The following C12orf56 variants were observed in gnomAD, a reference collection of about 807,000 sequenced individuals.
C12orf56 encodes the protein chromosome 12 open reading frame 56, also known as uncharacterized protein C12orf56.
C12orf56 carries 71 observed loss-of-function variants against 69.9 expected under a neutral mutation model. The observed-to-expected ratio is 1.02, with a 90% CI of 0.84 to 1.24. C12orf56 has a LOEUF of 1.24. Ranked by LOEUF, C12orf56 falls within the 50% of genes most tolerant of loss-of-function variation. The pLI, the probability that C12orf56 is intolerant of heterozygous loss-of-function variation, is 0.00. For synonymous variants in C12orf56, 276 were observed against 274.1 expected, an observed-to-expected ratio of 1.01 and a Z score of -0.07; for missense variants, 732 against 738.5, an observed-to-expected ratio of 0.99 and a Z score of 0.10.
chr12:64,297,047 A>G (rs2038376181), intron 6 of C12orf56, among the ~76,000 whole-genome samples: 1 of 152,200 alleles, frequency 6.6e-6, no homozygotes. Context: ...ATAGCAACAC[A>G]AAACAGACTA....
intron 3 of C12orf56, among the ~76,000 whole-genome samples, chr12:64,326,749 AAAAG>A (rs1312426007): frequency 5.3e-5 from 8 of 151,756 alleles, no homozygotes; most frequent in African/African-American, 1.9e-4. Context: ...CAAAAAAAAA[AAAAG>A]AAAGAAAGAA....
In C12orf56 at chr12:64,301,878, G is replaced by A. The variant is rs1250760120; in HGVS notation, c.1113+1757C>T. Reference sequence around the variant, plus strand: ...ATGGACTAATACACAGCCCTTTCCTGATAACCCCAGCCTACTAAAATAAAG... The same window carrying A: ...ATGGACTAATACACAGCCCTTTCCTAATAACCCCAGCCTACTAAAATAAAG... On this transcript the variant is annotated intron_variant, in intron 6 of 12. Transcript: ENST00000543942. Among the ~76,000 whole-genome samples, 12 of 152,244 alleles carry A rather than the reference G, an allele frequency of 7.9e-5. No homozygotes were observed. The East Asian group carries it at 2.3e-3, about 29-fold the overall frequency.
intron 8 of C12orf56, among the ~76,000 whole-genome samples, chr12:64,280,672 A>T (rs183224556): frequency 5.7e-4 from 87 of 152,350 alleles, no homozygotes; most frequent in African/African-American, 2.0e-3. Flanking sequence ...TATCCAGAGT[A>T]GGCTTGCTCT....
intron 2 of C12orf56, among the ~76,000 whole-genome samples, chr12:64,346,070 C>A (rs2135943666): frequency 6.6e-6 from 1 of 152,034 alleles, no homozygotes; most frequent in Middle Eastern, 3.4e-3. Flanking sequence ...CTCCTGGTAC[C>A]AAAATTTGTA....
intron 4 of C12orf56, among the ~76,000 whole-genome samples, chr12:64,317,310 G>T (rs1322285388): frequency 2.6e-5 from 4 of 151,938 alleles, no homozygotes; most frequent in Non-Finnish European, 4.4e-5. Context: ...TATGTTGAAA[G>T]ATCAATAATA....
intron 5 of C12orf56, among the ~76,000 whole-genome samples, chr12:64,309,100 C>CATAT (rs890076189): frequency 1.3e-5 from 2 of 152,132 alleles, no homozygotes; most frequent in Admixed American, 6.5e-5. Context: ...TACAAACACA[C>CATAT]ATATATACTT....
chr12:64,374,536 T>C (rs1050782497), intron 1 of C12orf56, among the ~76,000 whole-genome samples: 2 of 152,088 alleles, frequency 1.3e-5, no homozygotes, highest in African/African-American at 2.4e-5. Flanking sequence ...TACTTTTTTT[T>C]CCAACTTTTT....
chr12:64,308,882 CAGAA>C (rs1488379889), intron 5 of C12orf56, among the ~76,000 whole-genome samples: 2 of 50,056 alleles, frequency 4.0e-5, no homozygotes, highest in Non-Finnish European at 7.8e-5. Context: ...AAGAAAGAAA[CAGAA>C]AGGAAGAAAG....
At chr12:64,363,128 C>T (rs555797142) in intron 1 of C12orf56, among the ~76,000 whole-genome samples, 14 of 152,218 alleles carry the variant, frequency 9.2e-5, no homozygotes, top group African/African-American at 2.2e-4. Context: ...CCTCATTTTA[C>T]GCAACTCCTA....
chr12:64,375,065 T>TA (rs2039623120), intron 1 of C12orf56, among the ~76,000 whole-genome samples: 2 of 151,892 alleles, frequency 1.3e-5, no homozygotes, highest in Non-Finnish European at 2.9e-5. Context: ...ATATTTATTT[T>TA]ATTATTTATT....
chr12:64,366,074 ATAGTTTG>A (rs1212288005), intron 1 of C12orf56, among the ~76,000 whole-genome samples: 4 of 125,926 alleles, frequency 3.2e-5, no homozygotes, highest in African/African-American at 1.3e-4. Context: ...TGTATAATAT[ATAGTTTG>A]TATAATATAT....
chr12:64,378,000 T>C (rs1472364960), intron 1 of C12orf56, among the ~76,000 whole-genome samples: 3 of 152,254 alleles, frequency 2.0e-5, no homozygotes, highest in Non-Finnish European at 4.4e-5. Flanking sequence ...AAATTCTCTG[T>C]AATTCAGGTT....
chr12:64,359,645 G>A (rs1230759303), intron 1 of C12orf56, among the ~76,000 whole-genome samples: 1 of 152,126 alleles, frequency 6.6e-6, no homozygotes, highest in Admixed American at 6.6e-5. Context: ...TGTGAGCACT[G>A]AACAGGGCAG....
chr12:64,354,691 T>C (rs1158960374), intron 1 of C12orf56, among the ~76,000 whole-genome samples: 4 of 150,034 alleles, frequency 2.7e-5, no homozygotes, highest in Admixed American at 6.6e-5. Flanking sequence ...ACTCCTGACC[T>C]CAGGACCTCA....
intron 2 of C12orf56, among the ~76,000 whole-genome samples, chr12:64,336,404 A>C (rs543099686): frequency 7.7e-4 from 117 of 152,312 alleles, no homozygotes; most frequent in African/African-American, 2.8e-3. Context: ...CTAGGAATTT[A>C]AATGTCATCA....
intron 1 of C12orf56, among the ~76,000 whole-genome samples, chr12:64,383,071 C>G (rs764440455): frequency 2.0e-5 from 3 of 151,770 alleles, no homozygotes; most frequent in Non-Finnish European, 4.4e-5. Context: ...AATCCCAGCA[C>G]TTTGGGAGGC....
chr12:64,352,123 T>G (rs1340356340), intron 2 of C12orf56, among the ~76,000 whole-genome samples: 410 of 151,530 alleles, frequency 2.7e-3, no homozygotes, highest in African/African-American at 5.1e-3. Context: ...TTTGTTTTTT[T>G]TTTTACCAGT....
chr12:64,354,014 G>T (rs1440654060), intron 1 of C12orf56, among the ~76,000 whole-genome samples: 3 of 152,094 alleles, frequency 2.0e-5, no homozygotes, highest in East Asian at 1.9e-4. Context: ...TTTCATAAAG[G>T]TCTCAAAAAT....
At chr12:64,310,328 T>A (rs554296865) in intron 5 of C12orf56, among the ~76,000 whole-genome samples, 1 of 152,310 alleles carries the variant, frequency 6.6e-6, no homozygotes, top group African/African-American at 2.4e-5. Flanking sequence ...CTCTGTCTAA[T>A]GGTTTCATCC....
Sources: allele counts gnomAD v4.1 joint callset (sites outside exome capture counted in the v4.1 genomes callset), GRCh38; gene constraint gnomAD v4.1.1; transcripts MANE v1.5; gene names NCBI Gene and HGNC (gene_info 2026-07-23, HGNC 2026-07-21).